The following GPC5 variants were observed in gnomAD, a reference collection of about 807,000 sequenced individuals.
GPC5 encodes glypican-5.
In GPC5, 47 loss-of-function variants were observed where a neutral mutation model predicts 53.9. The ratio of observed to expected loss-of-function variants is 0.87; its 90% confidence interval spans 0.69 to 1.11. The LOEUF is 1.11. Among genes scored for constraint, GPC5 ranks in the 50% most tolerant of loss-of-function variants. The pLI is 0.00. For synonymous variants in GPC5, 286 were observed against 263.3 expected (o/e 1.09, Z -0.84); for missense variants, 748 against 713.1 (o/e 1.05, Z -0.56).
At chr13:92,506,819 C>A (rs2209832) in intron 7 of GPC5, among the ~76,000 whole-genome samples, 99,879 of 151,996 alleles carry the variant, frequency 0.66, 33,160 homozygotes, top group East Asian at 0.75. Context: ...CTGTCGCAGG[C>A]TCGATTAAAA....
intron 2 of GPC5, among the ~76,000 whole-genome samples, chr13:91,454,686 C>T (rs192973658): frequency 6.6e-6 from 1 of 152,154 alleles, no homozygotes; most frequent in African/African-American, 2.4e-5. Flanking sequence ...TGAAATAAAA[C>T]AAGAGATTCT....
At chr13:92,578,462 C>T (rs1356868576) in intron 7 of GPC5, among the ~76,000 whole-genome samples, 2 of 151,982 alleles carry the variant, frequency 1.3e-5, no homozygotes, top group Non-Finnish European at 2.9e-5. Flanking sequence ...GAAATTGGCT[C>T]ACCTAATTAT....
chr13:92,768,202 G>A (rs1484863469), intron 7 of GPC5, among the ~76,000 whole-genome samples: 1 of 152,102 alleles, frequency 6.6e-6, no homozygotes, highest in Non-Finnish European at 1.5e-5. Context: ...TAACTTTTCA[G>A]CTAAAATACA....
intron 7 of GPC5, among the ~76,000 whole-genome samples, chr13:92,632,763 C>T (rs1055834190): frequency 6.6e-6 from 1 of 152,104 alleles, no homozygotes; most frequent in Non-Finnish European, 1.5e-5. Flanking sequence ...AAGTTGGACT[C>T]TCAGTTCCAC....
chr13:91,699,103 G>A (rs993170957), intron 3 of GPC5, among the ~76,000 whole-genome samples: 2 of 152,182 alleles, frequency 1.3e-5, no homozygotes, highest in Admixed American at 6.5e-5. Flanking sequence ...AAATTATTTT[G>A]AAATTAATGT....
At chr13:91,739,303 T>C (rs541272693) in intron 4 of GPC5, among the ~76,000 whole-genome samples, 1 of 151,344 alleles carries the variant, frequency 6.6e-6, no homozygotes, top group Non-Finnish European at 1.5e-5. Context: ...ACCTGCCTCC[T>C]GGCTGCTGTG....
At chr13:91,905,890 G>T (rs545574692) in intron 5 of GPC5, among the ~76,000 whole-genome samples, 171 of 152,048 alleles carry the variant, frequency 1.1e-3, no homozygotes, top group Non-Finnish European at 2.0e-3. Context: ...ATTTTAAAAT[G>T]TCTCTTTAAT....
chr13:91,842,512 C>T (rs1461529337), intron 5 of GPC5, among the ~76,000 whole-genome samples: 1 of 149,470 alleles, frequency 6.7e-6, no homozygotes, highest in Non-Finnish European at 1.5e-5. Context: ...ACCATCTTGG[C>T]TAACACGGTG....
At chr13:92,812,735 A>G (rs765380919) in intron 7 of GPC5, among the ~76,000 whole-genome samples, 1 of 151,928 alleles carries the variant, frequency 6.6e-6, no homozygotes, top group Non-Finnish European at 1.5e-5. Flanking sequence ...AAATCTTACT[A>G]AAGCTAAAAA....
intron 5 of GPC5, among the ~76,000 whole-genome samples, chr13:91,800,039 A>C (rs2038109609): frequency 6.6e-6 from 1 of 152,110 alleles, no homozygotes; most frequent in African/African-American, 2.4e-5. Flanking sequence ...TAAATAATTA[A>C]GATCCTTCCA....
intron 6 of GPC5, chr13:91,995,999 G>A (rs1035833191): frequency 6.6e-6 from 1 of 152,176 alleles, no homozygotes; most frequent in African/African-American, 2.4e-5. Flanking sequence ...GGAATTATGG[G>A]CAGTTCCCTC....
At chr13:91,811,870 C>T (rs1442794330) in intron 5 of GPC5, among the ~76,000 whole-genome samples, 1 of 152,164 alleles carries the variant, frequency 6.6e-6, no homozygotes, top group East Asian at 1.9e-4. Flanking sequence ...TAACATCTTT[C>T]CTGAATTATG....
chr13:91,403,172 A>G (rs779280795), intron 1 of GPC5, among the ~76,000 whole-genome samples: 1 of 152,220 alleles, frequency 6.6e-6, no homozygotes, highest in Non-Finnish European at 1.5e-5. Flanking sequence ...CAGAATTGGG[A>G]CCCGTCGTCT....
chr13:91,515,062 A>T (rs559996111), intron 2 of GPC5, among the ~76,000 whole-genome samples: 1 of 152,336 alleles, frequency 6.6e-6, no homozygotes, highest in Admixed American at 6.5e-5. Flanking sequence ...TCAGGTGTTC[A>T]TGTGGCTAGG....
chr13:91,476,267 A>T (rs1882923977), intron 2 of GPC5, among the ~76,000 whole-genome samples: 1 of 152,128 alleles, frequency 6.6e-6, no homozygotes, highest in South Asian at 2.1e-4. Flanking sequence ...GAGCAAAATC[A>T]CCCCAAGTTT....
At chr13:92,346,715 G>A (rs1158168745) in intron 7 of GPC5, among the ~76,000 whole-genome samples, 1 of 152,100 alleles carries the variant, frequency 6.6e-6, no homozygotes, top group African/African-American at 2.4e-5. Context: ...CTAAAGAAAT[G>A]GAGATCTCTG....
rs74518259 is a variant in GPC5 at position 91,998,970 on chromosome 13, T to A, written c.1401+90913T>A. ...TAAACAGAACTTCCCTGAGTCTTTCTTACTAGAACTAGCAGAACTTCAATA... is the reference window on the plus strand; with the variant it reads ...TAAACAGAACTTCCCTGAGTCTTTCATACTAGAACTAGCAGAACTTCAATA... On this transcript the variant is annotated intron_variant, in intron 6 of 7. Coordinates refer to ENST00000377067, the MANE Select transcript of GPC5 (RefSeq NM_004466.6). Among the ~76,000 whole-genome samples, 518 of 152,318 alleles carry A rather than the reference T, an allele frequency of 3.4e-3. 7 individuals are homozygous for A. The highest frequency in any genetic ancestry group is 0.012 in the African/African-American group (498 of 41,564).
intron 7 of GPC5, among the ~76,000 whole-genome samples, chr13:92,692,503 G>A (rs921676438): frequency 6.9e-6 from 1 of 144,252 alleles, no homozygotes; most frequent in East Asian, 2.1e-4. Context: ...ACACAGGAAG[G>A]GGAACATCAC....
In GPC5 at chr13:92,170,420, C is replaced by CTTTTTTTTTTTTTTTTTTTTTTTTTTT. The variant is rs61418155; in HGVS notation, c.1561+25454_1561+25455insTTTTTTTTTTTTTTTTTTTTTTTTTTT. ...TTTTTCTTTTTTTGTCTTTTCTTTGCTTTTTTTTTTTTTTTTTTTTTTTGA... is the reference window on the plus strand; with the variant it reads ...TTTTTCTTTTTTTGTCTTTTCTTTGCTTTTTTTTTTTTTTTTTTTTTTTTTTTTTTTTTTTTTTTTTTTTTTTTTTGA... On this transcript the variant is annotated intron_variant, in intron 7 of 7. Transcript: ENST00000377067. Among the ~76,000 whole-genome samples, 2 of 75,260 alleles carry CTTTTTTTTTTTTTTTTTTTTTTTTTTT rather than the reference C, an allele frequency of 2.7e-5. 1 individual carries two copies. The highest frequency in any genetic ancestry group is 4.7e-5 in the Non-Finnish European group (2 of 42,232). 49.4% of individuals were successfully genotyped at this position (75,260 alleles called of 152,430 possible). A position where few individuals can be genotyped will look rare whatever the true frequency, so the allele number is the denominator to read the frequency against.
Sources: gnomAD v4.1 joint callset for allele counts (sites outside exome capture counted in the v4.1 genomes callset) on GRCh38, gnomAD v4.1.1 for gene constraint, MANE v1.5 for transcripts, NCBI Gene and HGNC (gene_info 2026-07-23, HGNC 2026-07-21) for gene names.